ZBTB20: variants seen among roughly 807,000 people sequenced by gnomAD.
ZBTB20 encodes the protein zinc finger and BTB domain containing 20.
ZBTB20 carries 9 observed loss-of-function variants against 56.9 expected under a neutral mutation model. The observed-to-expected ratio is 0.16, with a 90% CI of 0.10 to 0.28. The LOEUF (loss-of-function observed/expected upper bound fraction) is 0.28, where lower values mean the gene tolerates loss of function less well. Ranked by LOEUF, ZBTB20 falls within the 10% of genes least tolerant of loss-of-function variation. ZBTB20 has a pLI of 1.00. For missense variants in ZBTB20, 655 were observed against 1,003.0 expected, an observed-to-expected ratio of 0.65 and a Z score of 4.69; for synonymous variants, 417 against 420.7, an observed-to-expected ratio of 0.99 and a Z score of 0.11.
chr3:114,579,320 C>A (rs975093271), intron 6 of ZBTB20, among the ~76,000 whole-genome samples: 1 of 151,506 alleles, frequency 6.6e-6, no homozygotes, highest in Non-Finnish European at 1.5e-5. Context: ...AAAGTAAAAG[C>A]ATACCCTTCT....
intron 1 of ZBTB20, among the ~76,000 whole-genome samples, chr3:115,113,703 G>A (rs556226265): frequency 1.3e-5 from 2 of 152,286 alleles, no homozygotes; most frequent in East Asian, 3.9e-4. Flanking sequence ...ATAGGAGTGC[G>A]GACACCTGGC....
At chr3:114,842,848 T>C (rs2074444059) in intron 4 of ZBTB20, among the ~76,000 whole-genome samples, 1 of 152,164 alleles carries the variant, frequency 6.6e-6, no homozygotes, top group Non-Finnish European at 1.5e-5. Context: ...CTCCTCAAAC[T>C]GTGGAATTCC....
rs576722422 is a variant in ZBTB20 at position 115,056,284 on chromosome 3, T to C, written c.-507+14935A>G. Among the ~76,000 whole-genome samples the C allele has an allele frequency of 1.1e-4, 17 of 152,256 alleles. No individual in the cohort carries two copies. In the East Asian group the frequency reaches 3.3e-3, roughly 29 times the overall value. On this transcript the variant is annotated intron_variant, in intron 2 of 11. Transcript: ENST00000675478. Reference sequence around the variant, plus strand: ...TGAAAAAGTCATGGGTATCACTTTTTACCTTGGCTTAGACTGAAAATGTTT... The same window carrying C: ...TGAAAAAGTCATGGGTATCACTTTTCACCTTGGCTTAGACTGAAAATGTTT...
intron 3 of ZBTB20, among the ~76,000 whole-genome samples, chr3:114,909,924 A>T (rs545916954): frequency 1.3e-5 from 2 of 152,050 alleles, no homozygotes; most frequent in African/African-American, 2.4e-5. Flanking sequence ...AAAAGCTGAA[A>T]CGTAACAATA....
At chr3:114,712,187 T>C (rs940049019) in intron 5 of ZBTB20, among the ~76,000 whole-genome samples, 4 of 152,170 alleles carry the variant, frequency 2.6e-5, no homozygotes, top group African/African-American at 9.7e-5. Flanking sequence ...GCTCTAAATT[T>C]AGTTCCTGAA....
intron 4 of ZBTB20, among the ~76,000 whole-genome samples, chr3:114,811,948 G>A (rs1252303466): frequency 6.6e-6 from 1 of 152,124 alleles, no homozygotes; most frequent in Non-Finnish European, 1.5e-5. Context: ...TAAAGGCGGC[G>A]TCTCCGCAGT....
chr3:115,099,759 C>T (rs1221809324), intron 1 of ZBTB20, among the ~76,000 whole-genome samples: 2 of 152,068 alleles, frequency 1.3e-5, no homozygotes, highest in Non-Finnish European at 2.9e-5. Context: ...AAATAACTAA[C>T]AAAACCGAGT....
chr3:114,692,655 A>G (rs1285795121), intron 6 of ZBTB20, among the ~76,000 whole-genome samples: 4 of 152,118 alleles, frequency 2.6e-5, no homozygotes, highest in African/African-American at 7.2e-5. Flanking sequence ...GTGCATTTCA[A>G]TGCAGGTCAG....
chr3:114,851,079 A>G (rs2107413130), intron 4 of ZBTB20, among the ~76,000 whole-genome samples: 1 of 152,296 alleles, frequency 6.6e-6, no homozygotes, highest in Middle Eastern at 3.4e-3. Context: ...GCCAGAAGAA[A>G]TCTGTGTGAG....
At chr3:114,753,773 A>T (rs1329775864) in intron 5 of ZBTB20, among the ~76,000 whole-genome samples, 2 of 151,658 alleles carry the variant, frequency 1.3e-5, no homozygotes, top group East Asian at 3.9e-4. Flanking sequence ...TTCCTTTCCT[A>T]CCCCATTATA....
At chr3:114,576,270 C>T (rs553738222) in intron 6 of ZBTB20, among the ~76,000 whole-genome samples, 68 of 151,832 alleles carry the variant, frequency 4.5e-4, no homozygotes, top group Non-Finnish European at 6.6e-4. Context: ...GAGGCCAAGG[C>T]GGGCAGATCA....
chr3:114,971,089 G>C (rs1432647762), intron 3 of ZBTB20, among the ~76,000 whole-genome samples: 1 of 151,942 alleles, frequency 6.6e-6, no homozygotes, highest in Non-Finnish European at 1.5e-5. Flanking sequence ...ACAATTATGA[G>C]TATCAAAACT....
intron 5 of ZBTB20, among the ~76,000 whole-genome samples, chr3:114,726,126 T>A (rs1487355151): frequency 2.0e-5 from 3 of 152,172 alleles, no homozygotes; most frequent in Admixed American, 6.5e-5. Context: ...ACTGAGAGAA[T>A]GCTGGCATGA....
At chr3:114,987,869 G>A (rs927290552) in intron 2 of ZBTB20, among the ~76,000 whole-genome samples, 1 of 152,064 alleles carries the variant, frequency 6.6e-6, no homozygotes, top group Non-Finnish European at 1.5e-5. Flanking sequence ...ATGTTGAAAG[G>A]GAGGGAAGAT....
intron 10 of ZBTB20, among the ~76,000 whole-genome samples, chr3:114,364,907 A>T (rs2082245845): frequency 6.6e-6 from 1 of 152,056 alleles, no homozygotes; most frequent in Non-Finnish European, 1.5e-5. Context: ...TTGCACCTGT[A>T]ATTTCACTTT....
At chr3:114,871,044 A>G (rs1424767569) in intron 4 of ZBTB20, among the ~76,000 whole-genome samples, 1 of 81,322 alleles carries the variant, frequency 1.2e-5, no homozygotes, top group African/African-American at 2.7e-5. Context: ...CTTAGAAGAA[A>G]TGGAAGAGAA....
At chr3:114,418,933 C>T (rs1455699214) in intron 7 of ZBTB20, 5 of 152,046 alleles carry the variant, frequency 3.3e-5, no homozygotes, top group Non-Finnish European at 7.4e-5. Context: ...ATCTAACAAG[C>T]TACTGGTTTG....
At chr3:115,041,779 G>A (rs2081153252) in intron 2 of ZBTB20, among the ~76,000 whole-genome samples, 1 of 152,150 alleles carries the variant, frequency 6.6e-6, no homozygotes, top group South Asian at 2.1e-4. Context: ...CTATGGAGAA[G>A]CCATCTCTGC....
chr3:114,756,767 A>C (rs974741828), intron 5 of ZBTB20, among the ~76,000 whole-genome samples: 2 of 152,154 alleles, frequency 1.3e-5, no homozygotes, highest in African/African-American at 2.4e-5. Context: ...AAACTCAGGT[A>C]ATGTGGAAGA....
Sources: allele counts gnomAD v4.1 joint callset (sites outside exome capture counted in the v4.1 genomes callset), GRCh38; gene constraint gnomAD v4.1.1; transcripts MANE v1.5; gene names NCBI Gene and HGNC (gene_info 2026-07-23, HGNC 2026-07-21).